SGCZ: variants seen among roughly 807,000 people sequenced by gnomAD.
SGCZ encodes the protein zeta-sarcoglycan.
A neutral mutation model predicts 41.3 loss-of-function variants in SGCZ; 40 were observed. That is an observed-to-expected ratio of 0.97 (90% CI 0.75 to 1.26). SGCZ has a LOEUF of 1.26. SGCZ is among the 50% of genes most tolerant of loss of function. SGCZ has a pLI of 0.00. For synonymous variants in SGCZ, 206 were observed against 137.5 expected (o/e 1.50, Z -3.49); for missense variants, 552 against 369.8 (o/e 1.49, Z -4.04).
At chr8:14,757,603 C>T (rs935835266) in intron 1 of SGCZ, among the ~76,000 whole-genome samples, 2 of 152,084 alleles carry the variant, frequency 1.3e-5, no homozygotes, top group African/African-American at 4.8e-5. Context: ...AAATAACTTG[C>T]CAGATCAAGT....
chr8:14,460,886 A>T (rs893914059), intron 2 of SGCZ, among the ~76,000 whole-genome samples: 2 of 152,206 alleles, frequency 1.3e-5, no homozygotes, highest in African/African-American at 4.8e-5. Flanking sequence ...TAATAAAATG[A>T]TAGCTGATAC....
intron 1 of SGCZ, among the ~76,000 whole-genome samples, chr8:15,154,012 G>A (rs1251689183): frequency 5.3e-5 from 8 of 152,010 alleles, no homozygotes; most frequent in African/African-American, 1.2e-4. Context: ...CACGGTTCAC[G>A]ATAGAGTTTG....
Position 14,713,276 on chromosome 8 carries a change from A to G in SGCZ, c.40-158350T>C, listed in dbSNP as rs568647256. 1.2e-3 allele frequency among the ~76,000 whole-genome samples: 182 copies of G among 152,324 alleles called. 4 individuals carry two copies. Among genetic ancestry groups the G allele is most frequent in the African/African-American group, 4.2e-3 (175 of 41,580 alleles). On this transcript the variant is annotated intron_variant, in intron 1 of 7. Coordinates refer to ENST00000382080, the MANE Select transcript of SGCZ (RefSeq NM_139167.4). ...GACAAATTAAAATTCAAAAACTTCA[A>G]CATTGCAGAGTAACTTACATTTTCA...
In SGCZ at chr8:14,651,595, T is replaced by C. The variant is rs2117456663; in HGVS notation, c.40-96669A>G. Among the ~76,000 whole-genome samples the C allele has an allele frequency of 1.3e-5, 2 of 152,200 alleles. 1 individual carries two copies. Among genetic ancestry groups the C allele is most frequent in the South Asian group, 4.1e-4 (2 of 4,822 alleles). ...TCACTACGCACACTCACTCAGAATC[T>C]AGCTCATTTTCAATAAATTAACACA... On this transcript the variant is annotated intron_variant, in intron 1 of 7. Coordinates refer to ENST00000382080, the MANE Select transcript of SGCZ (RefSeq NM_139167.4).
intron 2 of SGCZ, among the ~76,000 whole-genome samples, chr8:14,422,359 T>C (rs73534057): frequency 0.019 from 2,860 of 152,310 alleles, 85 homozygotes; most frequent in African/African-American, 0.064. Flanking sequence ...TACTAGTATG[T>C]ATATTTACTT....
At chr8:14,198,109 C>T (rs994467239) in intron 4 of SGCZ, among the ~76,000 whole-genome samples, 1 of 152,138 alleles carries the variant, frequency 6.6e-6, no homozygotes, top group Non-Finnish European at 1.5e-5. Flanking sequence ...CAGAAAGAAA[C>T]AATTCATAAG....
intron 2 of SGCZ, among the ~76,000 whole-genome samples, chr8:14,364,216 CT>C (rs149696640): frequency 0.56 from 84,400 of 151,950 alleles, 24,910 homozygotes; most frequent in South Asian, 0.77. Context: ...TAACTTAGAG[CT>C]TTTAATGTTA....
At chr8:15,034,357 T>C (rs539536736) in intron 1 of SGCZ, among the ~76,000 whole-genome samples, 1 of 151,774 alleles carries the variant, frequency 6.6e-6, no homozygotes, top group Non-Finnish European at 1.5e-5. Flanking sequence ...GCAGAAGTGA[T>C]CAAGCAGAAA....
chr8:14,923,902 A>T (rs1164944631), intron 1 of SGCZ, among the ~76,000 whole-genome samples: 1 of 152,216 alleles, frequency 6.6e-6, no homozygotes, highest in Non-Finnish European at 1.5e-5. Flanking sequence ...TTTGAATGCA[A>T]GGGATTTGAG....
intron 1 of SGCZ, among the ~76,000 whole-genome samples, chr8:15,134,614 C>T (rs1808042426): frequency 6.6e-6 from 1 of 152,110 alleles, no homozygotes; most frequent in South Asian, 2.1e-4. Flanking sequence ...GCATGTACTC[C>T]TTGCATAATT....
At chr8:15,158,148 A>T (rs1413821155) in intron 1 of SGCZ, among the ~76,000 whole-genome samples, 1 of 146,754 alleles carries the variant, frequency 6.8e-6, no homozygotes, top group Non-Finnish European at 1.5e-5. Flanking sequence ...CTCTTATCAC[A>T]ATTTTTCTAG....
intron 1 of SGCZ, among the ~76,000 whole-genome samples, chr8:15,182,487 A>G (rs978642735): frequency 6.6e-6 from 1 of 152,208 alleles, no homozygotes; most frequent in Non-Finnish European, 1.5e-5. Flanking sequence ...ATGTTACTAC[A>G]CTGAATACCA....
At chr8:14,100,622 T>A (rs1801990310) in intron 7 of SGCZ, among the ~76,000 whole-genome samples, 1 of 147,772 alleles carries the variant, frequency 6.8e-6, no homozygotes, top group African/African-American at 2.5e-5. Flanking sequence ...AATATATTAA[T>A]ATATTTTCAA....
chr8:14,658,917 G>C lies in SGCZ; in HGVS notation c.40-103991C>G, dbSNP rs1048959123. 1.1e-4 allele frequency among the ~76,000 whole-genome samples: 16 copies of C among 151,712 alleles called. 3 individuals are homozygous for C. Among genetic ancestry groups the C allele is most frequent in the Admixed American group, 9.9e-4 (15 of 15,202 alleles). The stretch of plus-strand genomic sequence containing the variant: ...GAAAAAAATGAGGAAAGGAAGGAGG[G>C]AAGGGAGACAGGAAGGAAAAAGAGA... On this transcript the variant is annotated intron_variant, in intron 1 of 7. Coordinates refer to ENST00000382080, the MANE Select transcript of SGCZ (RefSeq NM_139167.4).
At chr8:15,235,096 C>G (rs1802079032) in intron 1 of SGCZ, among the ~76,000 whole-genome samples, 1 of 152,158 alleles carries the variant, frequency 6.6e-6, no homozygotes, top group Non-Finnish European at 1.5e-5. Context: ...TCTTCCCTCT[C>G]TCCACTGATC....
chr8:14,279,165 A>G (rs1800337981), intron 3 of SGCZ, among the ~76,000 whole-genome samples: 1 of 152,048 alleles, frequency 6.6e-6, no homozygotes, highest in Admixed American at 6.6e-5. Context: ...TTTATTAAGA[A>G]GCTCAATAGG....
rs373353664 is a variant in SGCZ at position 14,824,813 on chromosome 8, C to A, written c.40-269887G>T. Among the ~76,000 whole-genome samples the A allele has an allele frequency of 9.2e-5, 14 of 151,996 alleles. No homozygotes were observed. In the East Asian group the frequency reaches 1.7e-3, roughly 19 times the overall value. On this transcript the variant is annotated intron_variant, in intron 1 of 7. Coordinates refer to ENST00000382080, the MANE Select transcript of SGCZ (RefSeq NM_139167.4). The stretch of plus-strand genomic sequence containing the variant: ...TTTTCAGCGATGTAGTATAGAAATC[C>A]TTCTTCTCTATTGATCTACTCACTC...
At chr8:14,922,609 G>C (rs922173928) in intron 1 of SGCZ, among the ~76,000 whole-genome samples, 1 of 151,934 alleles carries the variant, frequency 6.6e-6, no homozygotes, top group Non-Finnish European at 1.5e-5. Flanking sequence ...TATATTCCTA[G>C]ATTCTCAATA....
intron 1 of SGCZ, among the ~76,000 whole-genome samples, chr8:15,070,323 T>C (rs1459101537): frequency 6.6e-6 from 1 of 152,194 alleles, no homozygotes; most frequent in African/African-American, 2.4e-5. Flanking sequence ...CTAAAGGCTT[T>C]CCTACATATA....
Sources: allele counts gnomAD v4.1 joint callset (sites outside exome capture counted in the v4.1 genomes callset), GRCh38; gene constraint gnomAD v4.1.1; transcripts MANE v1.5; gene names NCBI Gene and HGNC (gene_info 2026-07-23, HGNC 2026-07-21).